TENM4: variants seen among roughly 807,000 people sequenced by gnomAD.
TENM4 encodes the protein teneurin transmembrane protein 4.
In TENM4, 82 loss-of-function variants were observed where a neutral mutation model predicts 243.3. The ratio of observed to expected loss-of-function variants is 0.34; its 90% CI spans 0.28 to 0.40. The LOEUF (loss-of-function observed/expected upper bound fraction) is 0.40. TENM4 is among the 10% of genes least tolerant of loss of function. TENM4 has a pLI of 1.00. For missense variants in TENM4, 3,138 were observed against 3,673.3 expected (o/e 0.85, Z 3.77); for synonymous variants, 1,412 against 1,456.3 (o/e 0.97, Z 0.69).
At chr11:79,259,477 C>T (rs572181627) in intron 2 of TENM4, among the ~76,000 whole-genome samples, 1 of 152,070 alleles carries the variant, frequency 6.6e-6, no homozygotes, top group Non-Finnish European at 1.5e-5. Context: ...ACCCAGCCAT[C>T]TGTCCATCCA....
At chr11:79,088,921 A>C (rs946013217) in intron 4 of TENM4, among the ~76,000 whole-genome samples, 3 of 152,192 alleles carry the variant, frequency 2.0e-5, no homozygotes, top group Non-Finnish European at 4.4e-5. Flanking sequence ...TCAGCCCTGC[A>C]TAGCCATCCC....
intron 2 of TENM4, among the ~76,000 whole-genome samples, chr11:79,232,285 T>C (rs771770803): frequency 6.6e-6 from 1 of 152,098 alleles, no homozygotes; most frequent in Non-Finnish European, 1.5e-5. Context: ...CTGTTTCAGA[T>C]AGTACAGAGG....
At chr11:79,310,906 AGGG>A (rs1180790903) in intron 1 of TENM4, among the ~76,000 whole-genome samples, 1 of 152,206 alleles carries the variant, frequency 6.6e-6, no homozygotes, top group African/African-American at 2.4e-5. Context: ...TGGGTAGGAG[AGGG>A]TTCTGTTCAG....
At chr11:79,111,842 T>A (rs748724221) in intron 4 of TENM4, among the ~76,000 whole-genome samples, 3 of 151,834 alleles carry the variant, frequency 2.0e-5, no homozygotes, top group Non-Finnish European at 2.9e-5. Flanking sequence ...AGGGGGGTGG[T>A]CAAGAAGAGT....
At chr11:79,434,151 A>T (rs1859224366) in intron 1 of TENM4, among the ~76,000 whole-genome samples, 1 of 152,240 alleles carries the variant, frequency 6.6e-6, no homozygotes, top group Non-Finnish European at 1.5e-5. Flanking sequence ...CCTCTGATTG[A>T]TTGAACCATG....
At chr11:79,424,436 T>TACAAA (rs765937760) in intron 1 of TENM4, among the ~76,000 whole-genome samples, 17 of 152,236 alleles carry the variant, frequency 1.1e-4, no homozygotes, top group East Asian at 5.8e-4. Flanking sequence ...ACCTAGTCTC[T>TACAAA]ACAAAACAAA....
intron 19 of TENM4, among the ~76,000 whole-genome samples, chr11:78,741,372 GTAAA>G (rs1211295713): frequency 1.3e-5 from 2 of 152,092 alleles, no homozygotes; most frequent in Non-Finnish European, 2.9e-5. Context: ...TTTCTGTGGT[GTAAA>G]TACTCTCATC....
intron 1 of TENM4, among the ~76,000 whole-genome samples, chr11:79,370,654 C>T (rs1857763634): frequency 6.6e-6 from 1 of 151,864 alleles, no homozygotes; most frequent in Non-Finnish European, 1.5e-5. Flanking sequence ...ATGCTCCTGT[C>T]CTCTCTGTGA....
At chr11:78,982,238 G>A (rs1476743214) in intron 6 of TENM4, among the ~76,000 whole-genome samples, 1 of 152,076 alleles carries the variant, frequency 6.6e-6, no homozygotes, top group Admixed American at 6.6e-5. Context: ...GGGACCCAGT[G>A]GTGAGTGAGC....
chr11:79,089,150 C>T (rs1377235341), intron 4 of TENM4, among the ~76,000 whole-genome samples: 1 of 152,176 alleles, frequency 6.6e-6, no homozygotes, highest in Non-Finnish European at 1.5e-5. Flanking sequence ...GGCCTGTGCT[C>T]TCTGGGAAAC....
At chr11:79,254,662 T>G (rs1367029604) in intron 2 of TENM4, among the ~76,000 whole-genome samples, 1 of 152,162 alleles carries the variant, frequency 6.6e-6, no homozygotes, top group Non-Finnish European at 1.5e-5. Context: ...ACATCAAAAA[T>G]CACTTATATT....
chr11:79,166,459 T>C, intron 3 of TENM4, among the ~76,000 whole-genome samples: 1 of 152,138 alleles, frequency 6.6e-6, no homozygotes, highest in East Asian at 1.9e-4. Flanking sequence ...CCCTGAAAGG[T>C]TTATGCACAA....
At chr11:78,879,325 T>A (rs1265334960) in intron 9 of TENM4, among the ~76,000 whole-genome samples, 12 of 47,006 alleles carry the variant, frequency 2.6e-4, no homozygotes, top group African/African-American at 8.7e-4. Flanking sequence ...CGATCTGGGA[T>A]GTGAGGAGCG....
intron 33 of TENM4, 80 bp downstream of exon 33, chr11:78,661,369 T>C: frequency 1.3e-6 from 2 of 1,525,974 alleles, no homozygotes; most frequent in Non-Finnish European, 1.8e-6. Context: ...CACTGGCCCA[T>C]GCTTTTCTGA....
intron 3 of TENM4, among the ~76,000 whole-genome samples, chr11:79,189,571 T>C (rs1430808011): frequency 1.3e-5 from 2 of 152,248 alleles, no homozygotes; most frequent in African/African-American, 2.4e-5. Context: ...GTGACAGCTC[T>C]TCCCATGTCA....
intron 3 of TENM4, among the ~76,000 whole-genome samples, chr11:79,192,862 C>A (rs75369121): frequency 0.011 from 1,708 of 152,286 alleles, 42 homozygotes; most frequent in African/African-American, 0.037. Context: ...ATTTTCCCTA[C>A]AGGGATTGTG....
At chr11:79,391,083 T>A (rs1161593895) in intron 1 of TENM4, among the ~76,000 whole-genome samples, 3 of 152,310 alleles carry the variant, frequency 2.0e-5, no homozygotes, top group Non-Finnish European at 2.9e-5. Context: ...CAAGCCCGGC[T>A]CTGCCACTTA....
intron 6 of TENM4, among the ~76,000 whole-genome samples, chr11:78,911,039 A>C (rs1174904765): frequency 6.6e-6 from 1 of 152,214 alleles, no homozygotes; most frequent in African/African-American, 2.4e-5. Flanking sequence ...TCAGGACAGA[A>C]CTTTCGGTGA....
intron 7 of TENM4, among the ~76,000 whole-genome samples, chr11:78,902,718 G>GT (rs1565117988): frequency 1.3e-5 from 2 of 152,246 alleles, no homozygotes; most frequent in Non-Finnish European, 2.9e-5. Flanking sequence ...CATGCTAGGG[G>GT]TTATTAGGGC....
Sources: allele counts gnomAD v4.1 joint callset (sites outside exome capture counted in the v4.1 genomes callset), GRCh38; gene constraint gnomAD v4.1.1; transcripts MANE v1.5; gene names NCBI Gene and HGNC (gene_info 2026-07-23, HGNC 2026-07-21).